MIPOL1: variants seen among roughly 807,000 people sequenced by gnomAD.
The protein encoded by MIPOL1 is mirror-image polydactyly 1.
MIPOL1 carries 57 observed loss-of-function variants against 60.9 expected under a neutral mutation model. The ratio of observed to expected loss-of-function variants is 0.94; its 90% confidence interval spans 0.76 to 1.17. The LOEUF (loss-of-function observed/expected upper bound fraction) is 1.17. Ranked by LOEUF, MIPOL1 falls within the 50% of genes most tolerant of loss-of-function variation. MIPOL1 has a pLI of 0.00. For synonymous variants in MIPOL1, 179 were observed against 168.8 expected, an observed-to-expected ratio of 1.06 and a Z score of -0.47; for missense variants, 551 against 511.6, an observed-to-expected ratio of 1.08 and a Z score of -0.74.
intron 12 of MIPOL1, among the ~76,000 whole-genome samples, chr14:37,542,188 G>T (rs1343373670): frequency 6.6e-6 from 1 of 152,158 alleles, no homozygotes; most frequent in Non-Finnish European, 1.5e-5. Context: ...TAACTCTGAT[G>T]ATCACTCACT....
intron 7 of MIPOL1, among the ~76,000 whole-genome samples, chr14:37,296,508 A>C (rs1187290328): frequency 1.3e-5 from 2 of 152,216 alleles, no homozygotes; most frequent in Non-Finnish European, 2.9e-5. Context: ...AAATCAATGA[A>C]TCCAGAAGCT....
At chr14:37,392,056 G>C (rs7148052) in intron 10 of MIPOL1, among the ~76,000 whole-genome samples, 12,200 of 151,482 alleles carry the variant, frequency 0.081, 1,648 homozygotes, top group African/African-American at 0.28. Context: ...CTCCAATTTT[G>C]TTTTTTTTCA....
At chr14:37,517,706 C>T (rs947581916) in intron 12 of MIPOL1, among the ~76,000 whole-genome samples, 3 of 152,008 alleles carry the variant, frequency 2.0e-5, no homozygotes, top group Non-Finnish European at 4.4e-5. Context: ...AGAATAAGGA[C>T]GATATCTATA....
intron 11 of MIPOL1, among the ~76,000 whole-genome samples, chr14:37,480,183 G>T (rs920689271): frequency 6.6e-6 from 1 of 152,042 alleles, no homozygotes; most frequent in Non-Finnish European, 1.5e-5. Context: ...AAAGAGGAGA[G>T]AATACTTCCA....
chr14:37,285,851 C>T (rs1408561347), intron 7 of MIPOL1, among the ~76,000 whole-genome samples: 1 of 152,072 alleles, frequency 6.6e-6, no homozygotes, highest in Non-Finnish European at 1.5e-5. Flanking sequence ...CTTAGCCTCC[C>T]TCAGTGCTGA....
At chr14:37,507,747 GTATAA>G (rs1206939203) in intron 12 of MIPOL1, 1 of 152,082 alleles carries the variant, frequency 6.6e-6, no homozygotes, top group Non-Finnish European at 1.5e-5. Context: ...AGAACCTAAA[GTATAA>G]TAAAAATTAA....
intron 11 of MIPOL1, among the ~76,000 whole-genome samples, chr14:37,430,206 T>C (rs1004518456): frequency 4.6e-5 from 7 of 151,550 alleles, no homozygotes; most frequent in Admixed American, 2.6e-4. Flanking sequence ...ATTAATCAGA[T>C]TTTTTTTTGA....
intron 10 of MIPOL1, chr14:37,400,023 G>A (rs1050541766): frequency 1.1e-4 from 17 of 152,166 alleles, no homozygotes; most frequent in Non-Finnish European, 2.9e-5. Context: ...GGAGGAATTG[G>A]ACAAGCCCTG....
In MIPOL1 at chr14:37,249,678, C is replaced by G. The variant is rs147966646; in HGVS notation, c.19+1771C>G. ...ATGTGACACTTAATTTTGGTGTGCT[C>G]TATATATTCAAGTTGTGGATAAGAA... is the stretch of plus-strand genomic sequence containing the variant. On this transcript the variant is annotated intron_variant, in intron 3 of 12. Coordinates refer to ENST00000684589, the MANE Select transcript of MIPOL1 (RefSeq NM_001388067.1). 3.5e-3 allele frequency among the ~76,000 whole-genome samples: 529 copies of G among 152,072 alleles called. 3 individuals are homozygous for G. The highest frequency in any genetic ancestry group is 0.01 in the Middle Eastern group (3 of 294).
At chr14:37,344,091 A>G (rs1484836904) in intron 9 of MIPOL1, among the ~76,000 whole-genome samples, 1 of 152,132 alleles carries the variant, frequency 6.6e-6, no homozygotes, top group African/African-American at 2.4e-5. Context: ...AAGCATAACT[A>G]CAGTATCATT....
chr14:37,457,904 A>T (rs1198037626), intron 11 of MIPOL1, among the ~76,000 whole-genome samples: 1 of 152,136 alleles, frequency 6.6e-6, no homozygotes, highest in Non-Finnish European at 1.5e-5. Context: ...CACCTCATGG[A>T]TAGACACTCA....
chr14:37,308,127 T>G (rs1018179032), intron 8 of MIPOL1, 38 bp downstream of exon 8: 2 of 1,588,936 alleles, frequency 1.3e-6, no homozygotes, highest in Non-Finnish European at 1.7e-6. Context: ...GATGTCAGTC[T>G]TATATCTTAG....
At chr14:37,423,001 G>A (rs754583032) in intron 11 of MIPOL1, 52 bp downstream of exon 11, 2 of 1,131,008 alleles carry the variant, frequency 1.8e-6, no homozygotes, top group Non-Finnish European at 2.6e-6. Context: ...TTTGGGAAAT[G>A]TTTCTACCTG....
chr14:37,226,454 C>T (rs1371371019), intron 1 of MIPOL1, among the ~76,000 whole-genome samples: 1 of 152,216 alleles, frequency 6.6e-6, no homozygotes, highest in African/African-American at 2.4e-5. Flanking sequence ...CAAGAGAAGA[C>T]AGTGAGAGCC....
chr14:37,537,643 A>G (rs114759438), intron 12 of MIPOL1, among the ~76,000 whole-genome samples: 1,579 of 152,278 alleles, frequency 0.01, 40 homozygotes, highest in African/African-American at 0.036. Flanking sequence ...TGTATTTTTA[A>G]TAAGGCAAAA....
chr14:37,204,160 A>G (rs979843905), intron 1 of MIPOL1, among the ~76,000 whole-genome samples: 5 of 151,978 alleles, frequency 3.3e-5, no homozygotes, highest in African/African-American at 7.2e-5. Flanking sequence ...CATTGAGATG[A>G]CTGCACCCCT....
intron 3 of MIPOL1, chr14:37,265,129 C>T (rs1319175647): frequency 6.6e-6 from 1 of 152,162 alleles, no homozygotes; most frequent in East Asian, 1.9e-4. Flanking sequence ...TTCTTCTCCT[C>T]TATATCTATT....
intron 9 of MIPOL1, among the ~76,000 whole-genome samples, chr14:37,368,152 A>G (rs2092535343): frequency 6.6e-6 from 1 of 152,122 alleles, no homozygotes; most frequent in Non-Finnish European, 1.5e-5. Flanking sequence ...CAACAAAACT[A>G]TCTGCTAAAT....
intron 11 of MIPOL1, among the ~76,000 whole-genome samples, chr14:37,486,275 C>T (rs1357667099): frequency 2.0e-5 from 3 of 152,152 alleles, no homozygotes; most frequent in African/African-American, 7.2e-5. Flanking sequence ...AGTGTGATGT[C>T]TCCAGCTTTG....
Sources: allele counts gnomAD v4.1 joint callset (sites outside exome capture counted in the v4.1 genomes callset), GRCh38; gene constraint gnomAD v4.1.1; transcripts MANE v1.5; gene names NCBI Gene and HGNC (gene_info 2026-07-23, HGNC 2026-07-21).